The following PIP4K2A variants were observed in gnomAD, a reference collection of about 807,000 sequenced individuals.
PIP4K2A encodes phosphatidylinositol-5-phosphate 4-kinase type 2 alpha.
In PIP4K2A, 14 loss-of-function variants were observed where a neutral mutation model predicts 42.9. The ratio of observed to expected loss-of-function variants is 0.33; its 90% CI spans 0.22 to 0.51. PIP4K2A has a LOEUF of 0.51. PIP4K2A is among the 20% of genes least tolerant of loss of function. The pLI, the probability that PIP4K2A is intolerant of heterozygous loss-of-function variation, is 0.97. For synonymous variants in PIP4K2A, 192 were observed against 192.2 expected (o/e 1.00, Z 0.01); for missense variants, 434 against 519.8 (o/e 0.83, Z 1.61).
At chr10:22,683,979 G>A (rs1839713935) in intron 1 of PIP4K2A, among the ~76,000 whole-genome samples, 1 of 151,836 alleles carries the variant, frequency 6.6e-6, no homozygotes, top group Non-Finnish European at 1.5e-5. Flanking sequence ...GCACCACATC[G>A]GCCAAATACC....
chr10:22,658,015 G>A (rs746963471), intron 1 of PIP4K2A, among the ~76,000 whole-genome samples: 26 of 152,098 alleles, frequency 1.7e-4, no homozygotes, highest in Non-Finnish European at 3.2e-4. Flanking sequence ...AATATGTGGC[G>A]CCAGAAGTAC....
At chr10:22,605,462 A>T (rs531453434) in intron 3 of PIP4K2A, among the ~76,000 whole-genome samples, 1 of 152,352 alleles carries the variant, frequency 6.6e-6, no homozygotes, top group African/African-American at 2.4e-5. Flanking sequence ...AAAAAAAGGG[A>T]AGGAAAACCA....
At chr10:22,602,734 A>G (rs957225282) in intron 3 of PIP4K2A, among the ~76,000 whole-genome samples, 8 of 152,110 alleles carry the variant, frequency 5.3e-5, no homozygotes, top group Non-Finnish European at 1.2e-4. Flanking sequence ...TCATGTTTTT[A>G]GAGATGGTGT....
intron 4 of PIP4K2A, among the ~76,000 whole-genome samples, chr10:22,574,489 GT>G (rs1328778463): frequency 3.6e-5 from 5 of 139,966 alleles, no homozygotes; most frequent in Non-Finnish European, 7.6e-5. Context: ...AAATACAAAA[GT>G]AATTAAAATG....
At chr10:22,667,392 A>G (rs1839370142) in intron 1 of PIP4K2A, among the ~76,000 whole-genome samples, 1 of 152,246 alleles carries the variant, frequency 6.6e-6, no homozygotes, top group South Asian at 2.1e-4. Context: ...ATACCAAATT[A>G]GAATTATGGT....
At chr10:22,640,012 GTC>G (rs1405113887) in intron 1 of PIP4K2A, among the ~76,000 whole-genome samples, 11 of 71,720 alleles carry the variant, frequency 1.5e-4, no homozygotes, top group African/African-American at 6.0e-5. Flanking sequence ...TGGATGTGTT[GTC>G]TTTTTTTTTT....
chr10:22,656,927 A>T (rs1564457388), intron 1 of PIP4K2A, among the ~76,000 whole-genome samples: 1 of 152,098 alleles, frequency 6.6e-6, no homozygotes, highest in East Asian at 1.9e-4. Flanking sequence ...AGTTTGAGTT[A>T]TTTTATGTCA....
intron 1 of PIP4K2A, among the ~76,000 whole-genome samples, chr10:22,622,064 A>G (rs1838343146): frequency 6.6e-6 from 1 of 152,230 alleles, no homozygotes; most frequent in African/African-American, 2.4e-5. Flanking sequence ...GATGACAGTA[A>G]AGGAAGTTAG....
intron 1 of PIP4K2A, among the ~76,000 whole-genome samples, chr10:22,651,320 G>C (rs997196509): frequency 5.9e-5 from 9 of 152,104 alleles, no homozygotes; most frequent in Non-Finnish European, 8.8e-5. Context: ...ACTATTCCCA[G>C]CCTCAAAAGA....
chr10:22,698,026 G>A (rs1840005342), intron 1 of PIP4K2A, among the ~76,000 whole-genome samples: 2 of 152,142 alleles, frequency 1.3e-5, no homozygotes, highest in Non-Finnish European at 2.9e-5. Flanking sequence ...AGTGGACAGC[G>A]ACCTGCTTCT....
intron 5 of PIP4K2A, among the ~76,000 whole-genome samples, chr10:22,568,678 G>A (rs762657221): frequency 3.9e-5 from 6 of 152,204 alleles, no homozygotes; most frequent in Non-Finnish European, 7.3e-5. Context: ...CTCGGAGGCC[G>A]ACGGGGAGGC....
At chr10:22,652,065 T>C (rs1345008056) in intron 1 of PIP4K2A, among the ~76,000 whole-genome samples, 1 of 152,200 alleles carries the variant, frequency 6.6e-6, no homozygotes, top group Non-Finnish European at 1.5e-5. Flanking sequence ...GATACAGTGC[T>C]TAATTTGTGT....
chr10:22,664,424 T>C (rs2130844173), intron 1 of PIP4K2A, among the ~76,000 whole-genome samples: 1 of 151,112 alleles, frequency 6.6e-6, no homozygotes, highest in African/African-American at 2.4e-5. Flanking sequence ...GTTTTTCCTC[T>C]TCATGGTTTT....
intron 7 of PIP4K2A, among the ~76,000 whole-genome samples, chr10:22,543,607 A>G (rs1052052534): frequency 2.0e-5 from 3 of 151,958 alleles, no homozygotes; most frequent in Non-Finnish European, 4.4e-5. Flanking sequence ...TTCCACTTGC[A>G]CCTCTCTCTG....
At chr10:22,689,090 C>T (rs1348012182) in intron 1 of PIP4K2A, among the ~76,000 whole-genome samples, 1 of 152,176 alleles carries the variant, frequency 6.6e-6, no homozygotes, top group Non-Finnish European at 1.5e-5. Flanking sequence ...AAGGGTGGGT[C>T]TGGTGGAACT....
chr10:22,622,958 A>T (rs1365072689), intron 1 of PIP4K2A, among the ~76,000 whole-genome samples: 1 of 152,216 alleles, frequency 6.6e-6, no homozygotes, highest in Non-Finnish European at 1.5e-5. Context: ...ATGGTGTGAG[A>T]GAGCCAGCAT....
chr10:22,588,107 GTA>G (rs1364670992), intron 4 of PIP4K2A, among the ~76,000 whole-genome samples: 2 of 152,340 alleles, frequency 1.3e-5, no homozygotes, highest in South Asian at 4.1e-4. Flanking sequence ...TTGCTGAGAT[GTA>G]TATGAGTGGC....
rs151299562 is a variant in PIP4K2A, at chr10:22,627,440, G to A, written c.145-17723C>T. Among the ~76,000 whole-genome samples, 1,322 of 151,836 alleles carry A rather than the reference G, an allele frequency of 8.7e-3. 15 individuals are homozygous for A. The highest frequency in any genetic ancestry group is 0.02 in the Middle Eastern group (6 of 294). On this transcript the variant is annotated intron_variant, in intron 1 of 9. Transcript: ENST00000376573. ...CAAAGGTTATTAGGTGAATAATACA[G>A]ATCTTAAATAGCGTATTAGTTTCTT...
chr10:22,629,003 G>T (rs1421108500), intron 1 of PIP4K2A, among the ~76,000 whole-genome samples: 1 of 152,054 alleles, frequency 6.6e-6, no homozygotes, highest in East Asian at 1.9e-4. Flanking sequence ...CTACAGGAGG[G>T]GTCCGTTCAG....
Sources: allele counts gnomAD v4.1 joint callset (sites outside exome capture counted in the v4.1 genomes callset), GRCh38; gene constraint gnomAD v4.1.1; transcripts MANE v1.5; gene names NCBI Gene and HGNC (gene_info 2026-07-23, HGNC 2026-07-21).